Variants in HMGCLL1 observed in about 807,000 individuals in gnomAD.
HMGCLL1 encodes 3-hydroxymethyl-3-methylglutaryl-CoA lyase, cytoplasmic.
HMGCLL1 carries 36 observed loss-of-function variants against 39.1 expected under a neutral mutation model. The ratio of observed to expected loss-of-function variants is 0.92; its 90% CI spans 0.71 to 1.22. HMGCLL1 has a LOEUF of 1.22. Ranked by LOEUF, HMGCLL1 falls within the 50% of genes most tolerant of loss-of-function variation. The pLI, the probability that HMGCLL1 is intolerant of heterozygous loss-of-function variation, is 0.00. For missense variants in HMGCLL1, 451 were observed against 416.5 expected (o/e 1.08, Z -0.72); for synonymous variants, 149 against 144.0 (o/e 1.03, Z -0.25).
At chr6:55,587,666 G>C in the HMGCLL1 span, among the ~76,000 whole-genome samples, 4 of 151,906 alleles carry the variant, frequency 2.6e-5, no homozygotes, top group African/African-American at 7.3e-5. Context: ...CCCATCTCAC[G>C]TGCAGAGACA....
At chr6:55,465,072 G>A (rs1764740302) in intron 7 of HMGCLL1, among the ~76,000 whole-genome samples, 1 of 152,014 alleles carries the variant, frequency 6.6e-6, no homozygotes, top group African/African-American at 2.4e-5. Context: ...TGATTTATTT[G>A]TATTTCTTTC....
Position 55,544,142 on chromosome 6 carries a change from C to T in HMGCLL1, c.109-2002G>A, listed in dbSNP as rs376243407. Among the ~76,000 whole-genome samples, 16 of 152,172 alleles carry T rather than the reference C, an allele frequency of 1.1e-4. No homozygotes were observed. In the South Asian group the frequency reaches 2.7e-3, roughly 26 times the overall value. The stretch of plus-strand genomic sequence containing the variant: ...CCACTGGGAGCAGCCTAGCTCCAGC[C>T]AAATGTAACAAACCCCTTGTTCTAC... On this transcript the variant is annotated intron_variant, in intron 1 of 8. Coordinates refer to ENST00000274901, the MANE Select transcript of HMGCLL1 (RefSeq NM_001042406.2).
At chr6:55,590,323 G>T in the HMGCLL1 span, among the ~76,000 whole-genome samples, 2 of 152,020 alleles carry the variant, frequency 1.3e-5, no homozygotes, top group African/African-American at 2.4e-5. Context: ...TTTAATTAAT[G>T]GTGCTGGGAA....
chr6:55,579,124 TGGGAAAC>T lies in HMGCLL1; in HGVS notation c.-76_-70del. ...GGAGGATGAGGGGCGGGCACCGCGC[TGGGAAAC>T]TGCGCCAGCTCGGGAGCGCGCCCCT... On this transcript the variant is annotated 5_prime_UTR_variant, in exon 1 of 9. Coordinates refer to ENST00000274901, the MANE Select transcript of HMGCLL1 (RefSeq NM_001042406.2). 1 of 1,219,076 alleles carries T rather than the reference TGGGAAAC, an allele frequency of 8.2e-7. No individual in the cohort carries two copies. Among genetic ancestry groups the T allele is most frequent in the Non-Finnish European group, 1.2e-6 (1 of 845,308 alleles). The allele number at this position is 1,219,076 out of a possible 1,614,324, so 75.5% of individuals were successfully genotyped here.
rs749960854 is a variant in HMGCLL1, at chr6:55,541,770, T to C, written c.256A>G (p.Ile86Val). The change falls in exon 3 of 9, where the codon ATA becomes GTA. Residue 86 changes from isoleucine (I) to valine (V), a missense_variant. Coordinates refer to ENST00000274901, the MANE Select transcript of HMGCLL1 (RefSeq NM_001042406.2). ...GAAGACACAAAGCTAGTCACTTCTA[T>C]TACAGACAAGCCAGTTTGGGAAAGT... ...NRLSQTGLSV[I>V]EVTSFVSSRW... 6.2e-7 allele frequency: 1 copy of C among 1,609,912 alleles called. No homozygotes were observed. Among genetic ancestry groups the C allele is most frequent in the Non-Finnish European group, 8.5e-7 (1 of 1,177,566 alleles).
At chr6:55,629,948 C>T in the HMGCLL1 span, among the ~76,000 whole-genome samples, 1 of 152,138 alleles carries the variant, frequency 6.6e-6, no homozygotes, top group South Asian at 2.1e-4. Flanking sequence ...TGGAGAAACT[C>T]TGCTAGGGCA....
intron 7 of HMGCLL1, among the ~76,000 whole-genome samples, chr6:55,452,348 A>G (rs1207411674): frequency 6.6e-6 from 1 of 152,214 alleles, no homozygotes; most frequent in Non-Finnish European, 1.5e-5. Context: ...ATCCGTCTTT[A>G]TAAGAGGTGA....
At chr6:55,633,516 G>GA in the HMGCLL1 span, among the ~76,000 whole-genome samples, 5 of 151,430 alleles carry the variant, frequency 3.3e-5, no homozygotes, top group Non-Finnish European at 7.4e-5. Context: ...GTAGACATAT[G>GA]AAAAAATGGA....
intron 5 of HMGCLL1, among the ~76,000 whole-genome samples, chr6:55,505,903 C>A (rs1210655527): frequency 1.3e-5 from 2 of 151,624 alleles, no homozygotes; most frequent in Non-Finnish European, 3.0e-5. Context: ...AAAGTTGCCA[C>A]GTAAAATATT....
the HMGCLL1 span, among the ~76,000 whole-genome samples, chr6:55,630,541 G>T: frequency 6.6e-6 from 1 of 152,014 alleles, no homozygotes; most frequent in African/African-American, 2.4e-5. Context: ...AAAATGTGAG[G>T]ACATGAGATT....
the HMGCLL1 span, among the ~76,000 whole-genome samples, chr6:55,603,359 T>G: frequency 6.6e-6 from 1 of 152,108 alleles, no homozygotes; most frequent in African/African-American, 2.4e-5. Flanking sequence ...ATAATTTAAT[T>G]TAAGTATTAT....
At chr6:55,552,228 A>G (rs1409546736) in intron 1 of HMGCLL1, among the ~76,000 whole-genome samples, 1 of 152,008 alleles carries the variant, frequency 6.6e-6, no homozygotes. Flanking sequence ...TGTAGGGCAT[A>G]TACATGTAGC....
chr6:55,614,443 C>T, the HMGCLL1 span, among the ~76,000 whole-genome samples: 2 of 152,078 alleles, frequency 1.3e-5, no homozygotes, highest in Non-Finnish European at 2.9e-5. Context: ...ATGTCCCAGC[C>T]TCCAGAACTA....
the HMGCLL1 span, among the ~76,000 whole-genome samples, chr6:55,593,989 C>A: frequency 6.6e-6 from 1 of 152,110 alleles, no homozygotes; most frequent in African/African-American, 2.4e-5. Flanking sequence ...ATATACTTCC[C>A]TCCTAAAGAA....
At chr6:55,588,420 C>T in the HMGCLL1 span, among the ~76,000 whole-genome samples, 1 of 151,534 alleles carries the variant, frequency 6.6e-6, no homozygotes, top group African/African-American at 2.4e-5. Flanking sequence ...TAGAGGGAAA[C>T]TTACAGCACT....
chr6:55,669,715 A>G, the HMGCLL1 span, among the ~76,000 whole-genome samples: 1 of 151,894 alleles, frequency 6.6e-6, no homozygotes, highest in Non-Finnish European at 1.5e-5. Context: ...ACCCAAATTA[A>G]AGGCTCACTG....
chr6:55,671,223 A>G, the HMGCLL1 span, among the ~76,000 whole-genome samples: 1 of 151,768 alleles, frequency 6.6e-6, no homozygotes, highest in Admixed American at 6.6e-5. Context: ...TGGTAAAAGG[A>G]ATGTTTCAAT....
intron 3 of HMGCLL1, among the ~76,000 whole-genome samples, chr6:55,540,283 A>G (rs1769348574): frequency 6.6e-6 from 1 of 152,150 alleles, no homozygotes; most frequent in African/African-American, 2.4e-5. Context: ...CATTTCATAC[A>G]TCAGTAACTG....
At chr6:55,673,408 A>G in the HMGCLL1 span, among the ~76,000 whole-genome samples, 1 of 152,022 alleles carries the variant, frequency 6.6e-6, no homozygotes, top group Non-Finnish European at 1.5e-5. Flanking sequence ...GATTACCAAT[A>G]TTACAAAAAA....
Sources: gnomAD v4.1 joint callset for allele counts (sites outside exome capture counted in the v4.1 genomes callset) on GRCh38, gnomAD v4.1.1 for gene constraint, MANE v1.5 for transcripts, NCBI Gene and HGNC (gene_info 2026-07-23, HGNC 2026-07-21) for gene names.